Variants in SEPTIN6 observed in about 807,000 individuals in gnomAD.
The protein encoded by SEPTIN6 is septin 6, also known as septin-6.
In SEPTIN6, 8 loss-of-function variants were observed where a neutral mutation model predicts 33.6. The observed-to-expected ratio is 0.24, with a 90% CI of 0.14 to 0.43. SEPTIN6 has a LOEUF of 0.43. Ranked by LOEUF, SEPTIN6 falls within the 20% of genes least tolerant of loss-of-function variation. The pLI is 1.00. For missense variants in SEPTIN6, 250 were observed against 340.8 expected, an observed-to-expected ratio of 0.73 and a Z score of 2.10; for synonymous variants, 131 against 140.0, an observed-to-expected ratio of 0.94 and a Z score of 0.45.
chrX:119,649,170 G>C (rs1412228891), intron 5 of SEPTIN6, among the ~76,000 whole-genome samples: 1 of 97,120 alleles, frequency 1.0e-5, no homozygotes, highest in Non-Finnish European at 2.0e-5. Flanking sequence ...CCAGGCTGGA[G>C]TGCAATGGCG....
chrX:119,663,720 CT>C, intron 2 of SEPTIN6, 43 bp from the exon 3 acceptor site: 1 of 1,008,917 alleles, frequency 9.9e-7, no homozygotes, highest in East Asian at 3.1e-5. Flanking sequence ...CACATAGTGA[CT>C]ATTCAGCCCT....
chrX:119,618,188 C>A lies in SEPTIN6; in HGVS notation c.*1905G>T. 1.9e-6 allele frequency: 1 copy of A among 521,940 alleles called. No homozygotes were observed. The highest frequency in any genetic ancestry group is 2.2e-6 in the Non-Finnish European group (1 of 445,376). The allele number at this position is 521,940 out of a possible 1,213,427, so 43.0% of individuals were successfully genotyped here. On this transcript the variant is annotated 3_prime_UTR_variant, in exon 11 of 11. Transcript: ENST00000394610. ...AGATTTTTTTTTTTTTTTTTTTGGT[C>A]GTTGGTTTGTTTCTACCTCCAAGCA... is the stretch of plus-strand genomic sequence containing the variant.
intron 6 of SEPTIN6, among the ~76,000 whole-genome samples, chrX:119,638,860 G>T (rs2054107827): frequency 8.9e-6 from 1 of 112,059 alleles, no homozygotes. Context: ...TCATTCAAGC[G>T]GAACAGTCAA....
intron 2 of SEPTIN6, among the ~76,000 whole-genome samples, chrX:119,668,287 T>C (rs2054680877): frequency 9.4e-6 from 1 of 106,449 alleles, no homozygotes; most frequent in Admixed American, 1.0e-4. Flanking sequence ...CAGAGCGAGA[T>C]CCTGTCTAAG....
In SEPTIN6 at chrX:119,689,224, G is replaced by A. The variant is rs537894124; in HGVS notation, c.30+3852C>T. On this transcript the variant is annotated intron_variant, in intron 1 of 10. Coordinates refer to ENST00000394610, the MANE Select transcript of SEPTIN6 (RefSeq NM_145799.4). ...GCTCTTGGTATGGGCCGGCATTTACGGTCTGGATCCCAGAATGCAACATTG... is the reference window on the plus strand; with the variant it reads ...GCTCTTGGTATGGGCCGGCATTTACAGTCTGGATCCCAGAATGCAACATTG... Among the ~76,000 whole-genome samples the A allele has an allele frequency of 5.6e-4, 63 of 111,782 alleles. No individual in the cohort carries two copies. In the South Asian group the frequency reaches 0.02, roughly 36 times the overall value.
chrX:119,664,031 T>G (rs1358111680), intron 2 of SEPTIN6, among the ~76,000 whole-genome samples: 2 of 111,239 alleles, frequency 1.8e-5, no homozygotes, highest in African/African-American at 6.6e-5. Context: ...TCACCCAGGT[T>G]AGAGTGCAGT....
At chrX:119,680,097 T>G (rs1246871463) in intron 1 of SEPTIN6, among the ~76,000 whole-genome samples, 1 of 111,267 alleles carries the variant, frequency 9.0e-6, no homozygotes, top group Non-Finnish European at 1.9e-5. Context: ...GTGGAAGTAA[T>G]CAATGTTCAC....
chrX:119,616,399 C>A, downstream of SEPTIN6: 1 of 415,401 alleles, frequency 2.4e-6, no homozygotes, highest in Non-Finnish European at 4.5e-6. Context: ...GCTGAGGTGT[C>A]CTGCCCCAGT....
At chrX:119,669,868 G>C (rs1256222898) in intron 2 of SEPTIN6, among the ~76,000 whole-genome samples, 7 of 111,674 alleles carry the variant, frequency 6.3e-5, no homozygotes, top group African/African-American at 2.0e-4. Flanking sequence ...TGCTTCTCTT[G>C]TGTGACTGTT....
intron 3 of SEPTIN6, 34 bp downstream of exon 3, chrX:119,663,448 T>TCCCCC: frequency 1.3e-6 from 1 of 751,151 alleles, no homozygotes; most frequent in Non-Finnish European, 2.0e-6. Flanking sequence ...TCTACCAACC[T>TCCCCC]CCCCACCCTA....
At chrX:119,645,363 C>A (rs112486833) in intron 5 of SEPTIN6, among the ~76,000 whole-genome samples, 2 of 105,956 alleles carry the variant, frequency 1.9e-5, no homozygotes, top group Non-Finnish European at 3.9e-5. Flanking sequence ...CTCAGCCTCC[C>A]GAGTAGCTGA....
intron 5 of SEPTIN6, among the ~76,000 whole-genome samples, chrX:119,649,040 G>A (rs996234928): frequency 9.1e-6 from 1 of 110,193 alleles, no homozygotes; most frequent in African/African-American, 3.3e-5. Flanking sequence ...AAGTGGGGGA[G>A]GAGAGGAAAG....
chrX:119,626,182 G>A (rs1208978299), intron 9 of SEPTIN6, among the ~76,000 whole-genome samples: 1 of 112,014 alleles, frequency 8.9e-6, no homozygotes, highest in African/African-American at 3.3e-5. Context: ...AATTGGAAAG[G>A]GGCACTGTCA....
chrX:119,662,454 T>G lies in SEPTIN6; in HGVS notation c.341+1028A>C, dbSNP rs1338606899. Among the ~76,000 whole-genome samples, 3 of 112,083 alleles carry G rather than the reference T, an allele frequency of 2.7e-5. No homozygotes were observed. The East Asian group carries it at 8.3e-4, about 31-fold the overall frequency. ...TGGGCCTCATTCTAGATTTTTCTTTTGCCTTCACAACCCCACACCAAGTGC... is the reference window on the plus strand; with the variant it reads ...TGGGCCTCATTCTAGATTTTTCTTTGGCCTTCACAACCCCACACCAAGTGC... On this transcript the variant is annotated intron_variant, in intron 3 of 10. Coordinates refer to ENST00000394610, the MANE Select transcript of SEPTIN6 (RefSeq NM_145799.4).
intron 1 of SEPTIN6, among the ~76,000 whole-genome samples, chrX:119,685,765 G>A (rs745325160): frequency 5.4e-5 from 6 of 111,597 alleles, no homozygotes; most frequent in Admixed American, 9.6e-5. Context: ...TCAAGGAACC[G>A]AATCTGGAAA....
chrX:119,669,537 C>G (rs921345400), intron 2 of SEPTIN6, among the ~76,000 whole-genome samples: 1 of 112,212 alleles, frequency 8.9e-6, no homozygotes, highest in African/African-American at 3.2e-5. Context: ...CTTGCAGAGG[C>G]CTGGCAGGCA....
intron 2 of SEPTIN6, among the ~76,000 whole-genome samples, chrX:119,668,312 C>CAGAGAGAG (rs761569775): frequency 5.4e-4 from 43 of 79,757 alleles, no homozygotes; most frequent in African/African-American, 2.3e-3. Context: ...AAAGGAAAGA[C>CAGAGAGAG]AGAGAGAGAG....
chrX:119,650,165 G>A (rs2054328958), intron 4 of SEPTIN6, 67 bp from the exon 5 acceptor site: 1 of 1,088,532 alleles, frequency 9.2e-7, no homozygotes, highest in African/African-American at 1.8e-5. Flanking sequence ...CATGACCTAG[G>A]ACTTCCACCA....
At chrX:119,631,174 T>G (rs1013577598) in intron 8 of SEPTIN6, among the ~76,000 whole-genome samples, 7 of 105,904 alleles carry the variant, frequency 6.6e-5, no homozygotes, top group Non-Finnish European at 1.1e-4. Context: ...TCTTTTCTTT[T>G]TTCTTTTCTT....
Sources: allele counts gnomAD v4.1 joint callset (sites outside exome capture counted in the v4.1 genomes callset), GRCh38; gene constraint gnomAD v4.1.1; transcripts MANE v1.5; gene names NCBI Gene and HGNC (gene_info 2026-07-23, HGNC 2026-07-21).